Variants in OVCH1 observed in about 807,000 individuals in gnomAD.
OVCH1 encodes the protein ovochymase 1, also known as ovochymase-1.
Under a neutral mutation model 138.4 loss-of-function variants are expected in OVCH1, and 139 were observed. That is an observed-to-expected ratio of 1.00 (90% confidence interval 0.87 to 1.16). OVCH1 has a LOEUF of 1.16. Among genes scored for constraint, OVCH1 ranks in the 50% most tolerant of loss-of-function variants. The pLI, the probability that OVCH1 is intolerant of heterozygous loss-of-function variation, is 0.00. For missense variants in OVCH1, 1,367 were observed against 1,357.9 expected (o/e 1.01, Z -0.11); for synonymous variants, 453 against 467.8 (o/e 0.97, Z 0.41).
chr12:29,447,515 C>T (rs139880477), intron 22 of OVCH1, among the ~76,000 whole-genome samples: 157 of 152,094 alleles, frequency 1.0e-3, no homozygotes, highest in Non-Finnish European at 2.0e-3. Context: ...GAAAACGGTC[C>T]GAGTCCCTAG....
At position 29,460,852 on chromosome 12, in the gene OVCH1, TG is replaced by T. The variant is rs1942107834; in HGVS notation, c.2280+1001del. 2.6e-5 allele frequency among the ~76,000 whole-genome samples: 4 copies of T among 152,102 alleles called. No homozygotes were observed. The South Asian group carries it at 8.3e-4, about 32-fold the overall frequency. On this transcript the variant is annotated intron_variant, in intron 19 of 27. Coordinates refer to ENST00000318184, the Ensembl canonical transcript of OVCH1. ...GAATCCTTATCTCAGGGTCTGCTTC[TG>T]GGGAATGCAAATAAAGATATGCAAA...
the OVCH1 span, among the ~76,000 whole-genome samples, chr12:29,403,963 C>A: frequency 6.6e-6 from 1 of 152,146 alleles, no homozygotes; most frequent in Non-Finnish European, 1.5e-5. Context: ...ACTGTAAGTT[C>A]CCAGGAGGCA....
intron 21 of OVCH1, among the ~76,000 whole-genome samples, chr12:29,454,583 A>G (rs1294585758): frequency 1.3e-5 from 2 of 152,192 alleles, no homozygotes; most frequent in Non-Finnish European, 2.9e-5. Context: ...AAATAATTCT[A>G]TGTAATTCTC....
intron 26 of OVCH1, among the ~76,000 whole-genome samples, chr12:29,437,124 C>A (rs186886706): frequency 6.6e-6 from 1 of 152,188 alleles, no homozygotes; most frequent in Non-Finnish European, 1.5e-5. Flanking sequence ...GTTTACAAAC[C>A]TTTAGCTAGA....
intron 3 of OVCH1, among the ~76,000 whole-genome samples, chr12:29,495,824 A>G (rs1229158714): frequency 6.6e-6 from 1 of 152,158 alleles, no homozygotes; most frequent in Non-Finnish European, 1.5e-5. Flanking sequence ...AAATATTTGT[A>G]ATTTCTGCAG....
chr12:29,409,529 G>A (rs370488799), downstream of OVCH1, among the ~76,000 whole-genome samples: 1 of 151,870 alleles, frequency 6.6e-6, no homozygotes, highest in African/African-American at 2.4e-5. Context: ...ATTGGTTTCA[G>A]AGAACATCTT....
exon 4 of OVCH1, chr12:29,495,310 C>G: frequency 6.2e-7 from 1 of 1,612,214 alleles, no homozygotes; most frequent in Non-Finnish European, 8.5e-7. Flanking sequence ...GTTTTAGATA[C>G]AGCAGTGCAA....
At chr12:29,450,080 G>A (rs1404038527) in intron 22 of OVCH1, among the ~76,000 whole-genome samples, 3 of 152,082 alleles carry the variant, frequency 2.0e-5, no homozygotes, top group Non-Finnish European at 4.4e-5. Flanking sequence ...GAAAACCTAG[G>A]CAATACCATT....
chr12:29,476,795 A>AGTAAATGCT (rs1942746535), intron 12 of OVCH1, among the ~76,000 whole-genome samples: 1 of 71,582 alleles, frequency 1.4e-5, no homozygotes, highest in Admixed American at 1.3e-4. Context: ...ACACACACAC[A>AGTAAATGCT]CACACACACA....
chr12:29,443,687 C>T lies in OVCH1; in HGVS notation c.3018-187G>A, dbSNP rs537202556. On this transcript the variant is annotated intron_variant, in intron 24 of 27. Coordinates refer to ENST00000318184, the Ensembl canonical transcript of OVCH1. ...ATTATATCAACTTTATTATCTAATA[C>T]GTAATTTGCCAAAATTTATAAAGTT... Among the ~76,000 whole-genome samples the T allele has an allele frequency of 7.2e-5, 11 of 152,120 alleles. No homozygotes were observed. In the South Asian group the frequency reaches 8.3e-4, roughly 11 times the overall value.
At chr12:29,496,210 T>C in exon 3 of OVCH1, 1 of 1,609,442 alleles carries the variant, frequency 6.2e-7, no homozygotes, top group South Asian at 1.1e-5. Flanking sequence ...AGTGTGCTGC[T>C]GTAACAACCC....
At chr12:29,479,899 C>T (rs1166754207) in intron 8 of OVCH1, among the ~76,000 whole-genome samples, 1 of 149,664 alleles carries the variant, frequency 6.7e-6, no homozygotes. Flanking sequence ...TCTCAGCTCA[C>T]TGCAACCTAC....
intron 8 of OVCH1, among the ~76,000 whole-genome samples, chr12:29,479,496 T>C (rs1205603631): frequency 1.3e-5 from 2 of 152,230 alleles, no homozygotes; most frequent in African/African-American, 2.4e-5. Flanking sequence ...AGTAGTCTTA[T>C]GTAATTTGAC....
intron 21 of OVCH1, among the ~76,000 whole-genome samples, chr12:29,452,098 C>T (rs943956275): frequency 2.0e-5 from 3 of 152,150 alleles, no homozygotes; most frequent in Non-Finnish European, 2.9e-5. Flanking sequence ...TTCCATGGCC[C>T]GCTGACTCAG....
intron 6 of OVCH1, among the ~76,000 whole-genome samples, chr12:29,488,813 A>C (rs903003988): frequency 6.6e-6 from 1 of 152,134 alleles, no homozygotes; most frequent in Non-Finnish European, 1.5e-5. Flanking sequence ...CATCCAAAAA[A>C]GGATTGCCTG....
chr12:29,495,835 T>C lies in OVCH1; in HGVS notation c.281+346A>G, dbSNP rs561259882. ...GGTCAAATATTTGTAATTTCTGCAG[T>C]TTTTTCCCTCCTAATGATTTAAACC... On this transcript the variant is annotated intron_variant, in intron 3 of 27. Coordinates refer to ENST00000318184, the Ensembl canonical transcript of OVCH1. Among the ~76,000 whole-genome samples, 3 of 152,296 alleles carry C rather than the reference T, an allele frequency of 2.0e-5. No individual in the cohort carries two copies. The South Asian group carries it at 6.2e-4, about 32-fold the overall frequency.
At chr12:29,475,422 C>T (rs545180772) in intron 13 of OVCH1, among the ~76,000 whole-genome samples, 1 of 151,984 alleles carries the variant, frequency 6.6e-6, no homozygotes, top group East Asian at 1.9e-4. Flanking sequence ...TTCCAGTACG[C>T]CCGGAAACTC....
intron 23 of OVCH1, 134 bp downstream of exon 23, chr12:29,445,144 C>T: frequency 9.6e-7 from 1 of 1,037,056 alleles, no homozygotes; most frequent in Admixed American, 3.1e-5. Flanking sequence ...AGTAGATTTT[C>T]CTTTCAAACA....
intron 21 of OVCH1, among the ~76,000 whole-genome samples, chr12:29,454,398 G>A (rs1366024319): frequency 6.6e-6 from 1 of 152,104 alleles, no homozygotes; most frequent in Admixed American, 6.6e-5. Context: ...ATCCTCCATT[G>A]CTGTTAGTTT....
Sources: gnomAD v4.1 joint callset for allele counts (sites outside exome capture counted in the v4.1 genomes callset) on GRCh38, gnomAD v4.1.1 for gene constraint, MANE v1.5 for transcripts, NCBI Gene and HGNC (gene_info 2026-07-23, HGNC 2026-07-21) for gene names.